The following DSCAM variants were observed in gnomAD, a reference collection of about 807,000 sequenced individuals.
The protein encoded by DSCAM is cell adhesion molecule DSCAM.
Under a neutral mutation model 217.7 loss-of-function variants are expected in DSCAM, and 47 were observed. The observed-to-expected ratio is 0.22, with a 90% CI of 0.17 to 0.28. DSCAM has a LOEUF of 0.28. Ranked by LOEUF, DSCAM falls within the 10% of genes least tolerant of loss-of-function variation. DSCAM has a pLI of 1.00. For synonymous variants in DSCAM, 1,056 were observed against 1,015.3 expected (o/e 1.04, Z -0.76); for missense variants, 2,080 against 2,618.3 (o/e 0.79, Z 4.49).
chr21:40,518,869 C>G (rs1014201278), intron 3 of DSCAM, among the ~76,000 whole-genome samples: 4 of 151,766 alleles, frequency 2.6e-5, no homozygotes, highest in Admixed American at 6.6e-5. Flanking sequence ...GTGCTTAATG[C>G]AAACCTAGAT....
At chr21:40,556,905 C>T (rs2150419) in intron 3 of DSCAM, among the ~76,000 whole-genome samples, 67,999 of 151,814 alleles carry the variant, frequency 0.45, 16,532 homozygotes, top group Admixed American at 0.55. Flanking sequence ...ACAAAGTTCT[C>T]CATCCTCATC....
chr21:40,130,926 C>T (rs1038649901), intron 19 of DSCAM, among the ~76,000 whole-genome samples: 2 of 140,544 alleles, frequency 1.4e-5, no homozygotes, highest in African/African-American at 2.9e-5. Flanking sequence ...TGGTACAGGA[C>T]GTGTGTCTGG....
chr21:40,397,076 C>T (rs1029388564), intron 3 of DSCAM, among the ~76,000 whole-genome samples: 1 of 152,198 alleles, frequency 6.6e-6, no homozygotes, highest in African/African-American at 2.4e-5. Context: ...TTGCTTTCAT[C>T]CTATAAAAAC....
intron 4 of DSCAM, among the ~76,000 whole-genome samples, chr21:40,359,383 T>C (rs537014002): frequency 6.6e-5 from 10 of 152,338 alleles, no homozygotes; most frequent in African/African-American, 2.4e-5. Flanking sequence ...AGGTGTATTG[T>C]GGTATACTTG....
At chr21:40,544,547 G>C (rs1411713118) in intron 3 of DSCAM, among the ~76,000 whole-genome samples, 15 of 152,230 alleles carry the variant, frequency 9.9e-5, no homozygotes, top group South Asian at 8.3e-4. Context: ...ACAGATTCAA[G>C]TGATACGGCC....
At chr21:40,840,027 T>A (rs899680064) in intron 1 of DSCAM, among the ~76,000 whole-genome samples, 1 of 152,182 alleles carries the variant, frequency 6.6e-6, no homozygotes, top group Non-Finnish European at 1.5e-5. Flanking sequence ...GCATGATTTT[T>A]AAAAAATCAG....
intron 3 of DSCAM, among the ~76,000 whole-genome samples, chr21:40,499,019 G>A (rs1292511793): frequency 6.6e-6 from 1 of 151,416 alleles, no homozygotes; most frequent in Non-Finnish European, 1.5e-5. Context: ...TAAGAGAGCT[G>A]GAGCTATAAA....
intron 27 of DSCAM, among the ~76,000 whole-genome samples, chr21:40,072,156 T>C (rs1174833074): frequency 6.6e-6 from 1 of 152,138 alleles, no homozygotes; most frequent in African/African-American, 2.4e-5. Flanking sequence ...ACTCTTGTGA[T>C]CAAATAGAAA....
At chr21:40,493,660 G>A (rs1258480912) in intron 3 of DSCAM, among the ~76,000 whole-genome samples, 4 of 151,594 alleles carry the variant, frequency 2.6e-5, no homozygotes, top group Non-Finnish European at 4.4e-5. Context: ...TCAGGAGTTC[G>A]AGACCAGCCT....
chr21:40,196,259 A>C (rs369499263), intron 11 of DSCAM, among the ~76,000 whole-genome samples: 198 of 151,986 alleles, frequency 1.3e-3, no homozygotes, highest in African/African-American at 4.7e-3. Flanking sequence ...AGAGAATCTG[A>C]CTCCAACCTC....
At chr21:40,182,666 G>A (rs113002330) in intron 14 of DSCAM, among the ~76,000 whole-genome samples, 1 of 108,180 alleles carries the variant, frequency 9.2e-6, no homozygotes, top group African/African-American at 4.7e-5. Flanking sequence ...GAGAAACCGT[G>A]GACAGGGGGG....
intron 3 of DSCAM, among the ~76,000 whole-genome samples, chr21:40,559,801 T>C (rs951192245): frequency 1.4e-5 from 2 of 147,484 alleles, no homozygotes; most frequent in African/African-American, 5.0e-5. Flanking sequence ...TTTTTTTTTT[T>C]TTTTTCTTTG....
At chr21:40,653,686 C>T (rs1199410142) in intron 3 of DSCAM, among the ~76,000 whole-genome samples, 4 of 152,102 alleles carry the variant, frequency 2.6e-5, no homozygotes, top group East Asian at 1.9e-4. Context: ...CTGTGATCAT[C>T]GTGAATTAAA....
At position 40,172,487 on chromosome 21, in the gene DSCAM, C is replaced by A. The variant is rs75958129; in HGVS notation, c.2948-5199G>T. Among the ~76,000 whole-genome samples, 998 of 152,320 alleles carry A rather than the reference C, an allele frequency of 6.6e-3. 17 individuals carry two copies. The highest frequency in any genetic ancestry group is 0.023 in the African/African-American group (948 of 41,568). ...TGGATCTCCGCTTTGCTTCCCTGTC[C>A]TGATCCTTCCTGGCTACGCTGTCTC... is the stretch of plus-strand genomic sequence containing the variant. On this transcript the variant is annotated intron_variant, in intron 15 of 32. Coordinates refer to ENST00000400454, the MANE Select transcript of DSCAM (RefSeq NM_001389.5).
chr21:40,493,528 A>G (rs2076092688), intron 3 of DSCAM, among the ~76,000 whole-genome samples: 1 of 152,208 alleles, frequency 6.6e-6, no homozygotes. Context: ...CAATTTGTTA[A>G]GAAATATGCA....
At chr21:40,597,195 G>A (rs1436239422) in intron 3 of DSCAM, among the ~76,000 whole-genome samples, 1 of 152,058 alleles carries the variant, frequency 6.6e-6, no homozygotes, top group African/African-American at 2.4e-5. Context: ...AAGCCAGGTT[G>A]GCTATTACTA....
At chr21:40,308,267 A>T (rs148094249) in intron 9 of DSCAM, among the ~76,000 whole-genome samples, 17 of 152,222 alleles carry the variant, frequency 1.1e-4, no homozygotes, top group African/African-American at 4.1e-4. Flanking sequence ...TTACTAGTGG[A>T]GAAGTTTTAT....
chr21:40,472,995 C>T (rs938638078), intron 3 of DSCAM, among the ~76,000 whole-genome samples: 1 of 152,106 alleles, frequency 6.6e-6, no homozygotes, highest in Admixed American at 6.5e-5. Context: ...GCTACAAACC[C>T]ATTTCCCTGG....
At chr21:40,095,177 G>A (rs2146595725) in intron 20 of DSCAM, among the ~76,000 whole-genome samples, 1 of 152,346 alleles carries the variant, frequency 6.6e-6, no homozygotes, top group East Asian at 1.9e-4. Flanking sequence ...GTTCCCCCTT[G>A]TAAAACCATT....
Sources: gnomAD v4.1 joint callset for allele counts (sites outside exome capture counted in the v4.1 genomes callset) on GRCh38, gnomAD v4.1.1 for gene constraint, MANE v1.5 for transcripts, NCBI Gene and HGNC (gene_info 2026-07-23, HGNC 2026-07-21) for gene names.